DLG2: variants seen among roughly 807,000 people sequenced by gnomAD.
DLG2 encodes disks large homolog 2.
DLG2 carries 45 observed loss-of-function variants against 132.5 expected under a neutral mutation model. That is an observed-to-expected ratio of 0.34 (90% CI 0.27 to 0.44). The LOEUF (loss-of-function observed/expected upper bound fraction) is 0.44, where lower values mean the gene tolerates loss of function less well. Ranked by LOEUF, DLG2 falls within the 20% of genes least tolerant of loss-of-function variation. The probability of loss-of-function intolerance (pLI) is 1.00; values close to 1 mark genes in which losing one functional copy is unlikely to be tolerated. For missense variants in DLG2, 1,045 were observed against 1,196.9 expected (o/e 0.87, Z 1.87); for synonymous variants, 424 against 419.6 (o/e 1.01, Z -0.13).
In DLG2 at chr11:83,662,732, G is replaced by T. The variant is rs79699660; in HGVS notation, c.1826-29407C>A. Among the ~76,000 whole-genome samples, 1,119 of 152,272 alleles carry T rather than the reference G, an allele frequency of 7.3e-3. 10 individuals carry two copies. The highest frequency in any genetic ancestry group is 0.025 in the African/African-American group (1,048 of 41,560). ...CACCATGCTTCCCACTGTATTACAAGATCAGGAAGCCCGAGAACTATATGC... is the reference window on the plus strand; with the variant it reads ...CACCATGCTTCCCACTGTATTACAATATCAGGAAGCCCGAGAACTATATGC... On this transcript the variant is annotated intron_variant, in intron 18 of 27. Transcript: ENST00000376104.
chr11:83,675,465 G>A (rs965515867), intron 18 of DLG2, among the ~76,000 whole-genome samples: 13 of 152,118 alleles, frequency 8.5e-5, no homozygotes, highest in African/African-American at 2.7e-4. Flanking sequence ...AATCTTCTCT[G>A]AGCAGGTTTA....
intron 3 of DLG2, among the ~76,000 whole-genome samples, chr11:85,555,633 T>C (rs1019801946): frequency 2.0e-5 from 3 of 151,892 alleles, no homozygotes; most frequent in Admixed American, 6.6e-5. Flanking sequence ...ATTGTCTTCT[T>C]GAATAACCAG....
At chr11:84,296,971 G>A (rs1294842521) in intron 7 of DLG2, among the ~76,000 whole-genome samples, 1 of 151,924 alleles carries the variant, frequency 6.6e-6, no homozygotes, top group Non-Finnish European at 1.5e-5. Flanking sequence ...GGGGGGAAAG[G>A]GTCAATAGCA....
At chr11:84,837,257 A>G (rs2079944285) in intron 6 of DLG2, among the ~76,000 whole-genome samples, 1 of 151,850 alleles carries the variant, frequency 6.6e-6, no homozygotes, top group Non-Finnish European at 1.5e-5. Context: ...GTAGGTTCCC[A>G]GAATTTCACC....
At chr11:83,509,189 T>C (rs950780092) in intron 21 of DLG2, among the ~76,000 whole-genome samples, 15 of 152,196 alleles carry the variant, frequency 9.9e-5, no homozygotes, top group Non-Finnish European at 2.9e-5. Flanking sequence ...ATTAGACACA[T>C]TTTCTTTTTG....
intron 5 of DLG2, among the ~76,000 whole-genome samples, chr11:85,148,206 A>G (rs1380571891): frequency 1.3e-5 from 2 of 152,200 alleles, no homozygotes; most frequent in East Asian, 1.9e-4. Flanking sequence ...TAGTGCTGCA[A>G]TAAACATACA....
chr11:84,801,517 C>T (rs1279320922), intron 6 of DLG2, among the ~76,000 whole-genome samples: 2 of 152,172 alleles, frequency 1.3e-5, no homozygotes, highest in African/African-American at 2.4e-5. Context: ...AGCGGAGATG[C>T]ACCACTGCAC....
At position 83,494,489 on chromosome 11, in the gene DLG2, G is replaced by A. The variant is rs12787607; in HGVS notation, c.2194-10261C>T. 9.3e-5 allele frequency among the ~76,000 whole-genome samples: 14 copies of A among 151,046 alleles called. No individual in the cohort carries two copies. The East Asian group carries it at 2.1e-3, about 23-fold the overall frequency. On this transcript the variant is annotated intron_variant, in intron 21 of 27. Transcript: ENST00000376104. Reference sequence around the variant, plus strand: ...TTTCAGAAACAGTGACTGACTCTACGTCCCACAAGATGAAGGAACAACTAC... The same window carrying A: ...TTTCAGAAACAGTGACTGACTCTACATCCCACAAGATGAAGGAACAACTAC...
chr11:84,155,072 AAAAC>A (rs1212621103), intron 9 of DLG2, among the ~76,000 whole-genome samples: 1 of 152,222 alleles, frequency 6.6e-6, no homozygotes, highest in Non-Finnish European at 1.5e-5. Flanking sequence ...TTACAAGAAA[AAAAC>A]AAACAACCCC....
At chr11:84,988,684 A>C (rs921934128) in intron 6 of DLG2, among the ~76,000 whole-genome samples, 2 of 152,186 alleles carry the variant, frequency 1.3e-5, no homozygotes, top group African/African-American at 4.8e-5. Context: ...ATGCAAAGGC[A>C]TAAGAATGAC....
At chr11:84,129,154 C>G (rs2094308861) in intron 9 of DLG2, among the ~76,000 whole-genome samples, 1 of 151,984 alleles carries the variant, frequency 6.6e-6, no homozygotes. Context: ...TGTAATACAA[C>G]AGAACGTCCT....
intron 3 of DLG2, among the ~76,000 whole-genome samples, chr11:85,447,726 A>G (rs2092073282): frequency 6.6e-6 from 1 of 152,196 alleles, no homozygotes; most frequent in African/African-American, 2.4e-5. Flanking sequence ...ACATTAAAGT[A>G]AAAATTTGAA....
At chr11:84,762,801 C>G (rs1288509784) in intron 6 of DLG2, among the ~76,000 whole-genome samples, 3 of 152,102 alleles carry the variant, frequency 2.0e-5, no homozygotes, top group Non-Finnish European at 4.4e-5. Flanking sequence ...ACACAGCATT[C>G]ACAGTGAGGA....
chr11:85,484,885 A>C (rs286502), intron 3 of DLG2, among the ~76,000 whole-genome samples: 4 of 150,654 alleles, frequency 2.7e-5, no homozygotes, highest in Non-Finnish European at 5.9e-5. Context: ...TCATGCTGCT[A>C]TAAAGACACA....
chr11:84,286,504 A>C (rs2097911359), intron 7 of DLG2, among the ~76,000 whole-genome samples: 1 of 152,232 alleles, frequency 6.6e-6, no homozygotes, highest in Admixed American at 6.5e-5. Context: ...TAACTTTTAA[A>C]GATGGCTGGC....
chr11:84,116,276 G>A (rs377269703), intron 9 of DLG2, among the ~76,000 whole-genome samples: 6 of 152,138 alleles, frequency 3.9e-5, no homozygotes, highest in African/African-American at 1.2e-4. Context: ...AAAAGCATTC[G>A]ATACTGTTTA....
intron 7 of DLG2, among the ~76,000 whole-genome samples, chr11:84,408,172 G>T (rs1601601502): frequency 6.6e-6 from 1 of 152,088 alleles, no homozygotes; most frequent in South Asian, 2.1e-4. Flanking sequence ...AAATAAATCA[G>T]ACATTAGTTA....
At chr11:84,740,916 T>C (rs1231340270) in intron 6 of DLG2, among the ~76,000 whole-genome samples, 1 of 152,110 alleles carries the variant, frequency 6.6e-6, no homozygotes. Flanking sequence ...AACAGCCTCA[T>C]GGTGCCCTCC....
At chr11:85,383,676 A>G (rs1318741071) in intron 3 of DLG2, among the ~76,000 whole-genome samples, 1 of 152,220 alleles carries the variant, frequency 6.6e-6, no homozygotes, top group Non-Finnish European at 1.5e-5. Flanking sequence ...AATAAAATAC[A>G]GCCTTTAAAA....
Sources: gnomAD v4.1 joint callset for allele counts (sites outside exome capture counted in the v4.1 genomes callset) on GRCh38, gnomAD v4.1.1 for gene constraint, MANE v1.5 for transcripts, NCBI Gene and HGNC (gene_info 2026-07-23, HGNC 2026-07-21) for gene names.